The following KCNC4 variants were observed in gnomAD, a reference collection of about 807,000 sequenced individuals.
KCNC4 encodes voltage-gated potassium channel KCNC4.
A neutral mutation model predicts 42.8 loss-of-function variants in KCNC4; 23 were observed. The observed-to-expected ratio is 0.54, with a 90% confidence interval of 0.39 to 0.76. The LOEUF (loss-of-function observed/expected upper bound fraction) is 0.76, where lower values mean the gene tolerates loss of function less well. KCNC4 is among the 30% of genes least tolerant of loss of function. The pLI, the probability that KCNC4 is intolerant of heterozygous loss-of-function variation, is 0.00. For synonymous variants in KCNC4, 422 were observed against 393.5 expected (o/e 1.07, Z -0.86); for missense variants, 751 against 898.2 (o/e 0.84, Z 2.10).
chr1:110,268,073 T>TAG lies in KCNC4; in HGVS notation n.31-14460_31-14459insGA, dbSNP rs200382985. Among the ~76,000 whole-genome samples, 1,474 of 152,326 alleles carry TAG rather than the reference T, an allele frequency of 9.7e-3. 19 individuals carry two copies. The highest frequency in any genetic ancestry group is 0.034 in the African/African-American group (1,417 of 41,560). ...TTTATAACTTCCCCAGCTATTCCTA[T>TAG]ATAACATCACTATTGTGAAACCTAA... On this transcript the variant is annotated intron_variant and non_coding_transcript_variant, in intron 1 of 2. Transcript: ENST00000412512.
chr1:110,279,331 T>G (rs1050440299), intron 1 of KCNC4, among the ~76,000 whole-genome samples: 19 of 152,304 alleles, frequency 1.2e-4, no homozygotes, highest in Non-Finnish European at 2.9e-5. Flanking sequence ...TAATAAGGGT[T>G]GGGAGAGATA....
chr1:110,211,827 T>G lies in KCNC4; in HGVS notation c.328T>G (p.Tyr110Asp). The G allele has an allele frequency of 3.1e-6, 5 of 1,611,562 alleles. No homozygotes were observed. Among genetic ancestry groups the G allele is most frequent in the South Asian group, 2.2e-5 (2 of 91,002 alleles). ...PGVFAYVLNY[Y>D]RTGKLHCPAD... is the part of the protein sequence containing the mutation. The stretch of plus-strand genomic sequence containing the variant: ...CGTCTTCGCCTACGTGCTCAACTAC[T>G]ACCGCACCGGCAAGCTGCACTGCCC... The change falls in exon 1 of 4, where the codon TAC becomes GAC. Residue 110 changes from tyrosine to aspartate, a missense_variant. By Grantham distance (160) the Tyr-to-Asp change is radical. Transcript: ENST00000438661. This position sits in a 1 kb window ranked among gnomAD's most constrained non-coding sequence, Gnocchi z 6.5.
intron 1 of KCNC4, among the ~76,000 whole-genome samples, chr1:110,216,216 A>G (rs550181451): frequency 6.6e-6 from 1 of 152,314 alleles, no homozygotes; most frequent in Non-Finnish European, 1.5e-5. Context: ...CAGGTCAGTG[A>G]TCACGACAGG....
In KCNC4 at chr1:110,260,040, A is replaced by C. The variant is rs574495981; in HGVS notation, n.31-22494A>C. On this transcript the variant is annotated intron_variant and non_coding_transcript_variant, in intron 1 of 2. Coordinates refer to the KCNC4 transcript ENST00000412512. ...TGGGCATGCATCTCAGATGAGGCTG[A>C]GCTCTTTGACTGTTCATCTGTATTT... Among the ~76,000 whole-genome samples, 23 of 152,340 alleles carry C rather than the reference A, an allele frequency of 1.5e-4. 1 individual carries two copies. The South Asian group carries it at 4.8e-3, about 32-fold the overall frequency.
At chr1:110,275,500 T>C (rs971974724) in intron 1 of KCNC4, among the ~76,000 whole-genome samples, 1 of 152,198 alleles carries the variant, frequency 6.6e-6, no homozygotes, top group Non-Finnish European at 1.5e-5. Context: ...CCAGCACTTC[T>C]ACTACTGGTT....
At chr1:110,275,037 G>A (rs768189748) in intron 1 of KCNC4, among the ~76,000 whole-genome samples, 7 of 151,960 alleles carry the variant, frequency 4.6e-5, no homozygotes, top group South Asian at 2.1e-4. Context: ...ATGTTTCTGC[G>A]CAGCAAAAGA....
intron 2 of KCNC4, chr1:110,225,320 C>A (rs992948688): frequency 2.0e-5 from 3 of 152,328 alleles, no homozygotes; most frequent in African/African-American, 7.2e-5. Flanking sequence ...AAGGGCCCAG[C>A]TTCACCTGTG....
At position 110,224,272 on chromosome 1, in the gene KCNC4, C is replaced by T. The variant is rs962676135; in HGVS notation, c.1615+372C>T. 11 of 206,562 alleles carry T rather than the reference C, an allele frequency of 5.3e-5. 1 individual carries two copies. The highest frequency in any genetic ancestry group is 2.1e-4 in the African/African-American group (9 of 43,400). 12.8% of individuals were successfully genotyped at this position (206,562 alleles called of 1,614,324 possible). ...AAATGGGAATAATATCATATCCTAC[C>T]CTCAAGACTTTGAGAGACCCAAATG... On this transcript the variant is annotated intron_variant, in intron 2 of 3. Coordinates refer to ENST00000438661, the MANE Select transcript of KCNC4 (RefSeq NM_001039574.3).
At chr1:110,269,036 C>A (rs961879519) in intron 1 of KCNC4, among the ~76,000 whole-genome samples, 1 of 152,192 alleles carries the variant, frequency 6.6e-6, no homozygotes, top group Non-Finnish European at 1.5e-5. Flanking sequence ...TTATTAAGCT[C>A]TTTCTTTGCT....
rs1450310454 is a variant in KCNC4 at position 110,272,909 on chromosome 1, TTTA to T, written n.31-9623_31-9621del. On this transcript the variant is annotated intron_variant and non_coding_transcript_variant, in intron 1 of 2. Transcript: ENST00000412512. ...TGCAGTAAATTCATCCTAAAATTCA[TTTA>T]TCTAAATGTAATCTGATTTCCTTGT... Among the ~76,000 whole-genome samples, 11 of 152,250 alleles carry T rather than the reference TTTA, an allele frequency of 7.2e-5. No homozygotes were observed. In the South Asian group the frequency reaches 1.2e-3, roughly 17 times the overall value.
intron 1 of KCNC4, among the ~76,000 whole-genome samples, chr1:110,274,104 C>T (rs959103441): frequency 5.3e-5 from 8 of 151,938 alleles, no homozygotes; most frequent in African/African-American, 7.3e-5. Flanking sequence ...AAGACTCCTC[C>T]GAAAAACTCT....
rs72988883 is a variant in KCNC4, at chr1:110,211,075, C to T, written c.-425C>T. On this transcript the variant is annotated 5_prime_UTR_variant, in exon 1 of 4. Coordinates refer to ENST00000438661, the MANE Select transcript of KCNC4 (RefSeq NM_001039574.3). The surrounding 1 kb of genome is among the most constrained non-coding windows in gnomAD (Gnocchi z 6.5). Reference sequence around the variant, plus strand: ...CCGGGGCTTGGTGCGGTCTTGGAGCCGGAGGGTGGCCCGTGTGAGCGCGAG... The same window carrying T: ...CCGGGGCTTGGTGCGGTCTTGGAGCTGGAGGGTGGCCCGTGTGAGCGCGAG... Among the ~76,000 whole-genome samples the T allele has an allele frequency of 0.013, 2,024 of 152,356 alleles. 37 individuals carry two copies. The highest frequency in any genetic ancestry group is 0.046 in the African/African-American group (1,926 of 41,582).
intron 1 of KCNC4, among the ~76,000 whole-genome samples, chr1:110,256,076 T>C (rs1659322886): frequency 6.6e-6 from 1 of 152,160 alleles, no homozygotes; most frequent in South Asian, 2.1e-4. Flanking sequence ...GCCATTAGAA[T>C]TACAGTAGCC....
exon 4 of KCNC4, chr1:110,240,669 G>A (rs960923492): frequency 6.6e-6 from 1 of 152,250 alleles, no homozygotes; most frequent in African/African-American, 2.4e-5. Context: ...TCTGTTCCCA[G>A]AGTAGCTGTT....
intron 1 of KCNC4, among the ~76,000 whole-genome samples, chr1:110,257,755 G>T (rs1659362389): frequency 6.8e-6 from 1 of 146,984 alleles, no homozygotes; most frequent in Non-Finnish European, 1.5e-5. Flanking sequence ...CCAGAGGCAG[G>T]TGTTCCAGGG....
chr1:110,255,738 C>T (rs1659319114), intron 1 of KCNC4, among the ~76,000 whole-genome samples: 1 of 152,216 alleles, frequency 6.6e-6, no homozygotes, highest in Admixed American at 6.5e-5. Flanking sequence ...AGAAGCTTCT[C>T]AGATGGCCAC....
intron 3 of KCNC4, 43 bp from the exon 4 acceptor site, chr1:110,232,868 A>C: frequency 6.3e-7 from 1 of 1,586,640 alleles, no homozygotes; most frequent in Non-Finnish European, 8.6e-7. Context: ...TTGAGCCGAA[A>C]GCGTGCGTCC....
At chr1:110,267,228 G>T (rs1200939440) in intron 1 of KCNC4, among the ~76,000 whole-genome samples, 1 of 152,188 alleles carries the variant, frequency 6.6e-6, no homozygotes, top group East Asian at 1.9e-4. Flanking sequence ...TGGACTCCAG[G>T]TTGCTCAGGA....
chr1:110,227,883 G>A (rs543498308), intron 3 of KCNC4, among the ~76,000 whole-genome samples: 1 of 152,300 alleles, frequency 6.6e-6, no homozygotes, highest in African/African-American at 2.4e-5. Context: ...CGTGCACGGG[G>A]CAGGAGAGCC....
Sources: gnomAD v4.1 joint callset for allele counts (sites outside exome capture counted in the v4.1 genomes callset) on GRCh38, gnomAD v4.1.1 for gene constraint, Gnocchi (gnomAD v3.1) non-coding constraint, MANE v1.5 for transcripts, NCBI Gene and HGNC (gene_info 2026-07-23, HGNC 2026-07-21) for gene names.